The following ANKRD62 variants were observed in gnomAD, a reference collection of about 807,000 sequenced individuals.
The protein encoded by ANKRD62 is ankyrin repeat domain-containing protein 62.
In ANKRD62, 61 loss-of-function variants were observed where a neutral mutation model predicts 98.8. The observed-to-expected ratio is 0.62, with a 90% CI of 0.50 to 0.76. The LOEUF is 0.76. Among genes scored for constraint, ANKRD62 ranks in the 30% least tolerant of loss-of-function variants. The pLI, the probability that ANKRD62 is intolerant of heterozygous loss-of-function variation, is 0.00. For missense variants in ANKRD62, 933 were observed against 1,082.9 expected, an observed-to-expected ratio of 0.86 and a Z score of 1.94; for synonymous variants, 341 against 367.9, an observed-to-expected ratio of 0.93 and a Z score of 0.84.
At chr18:12,129,850 A>T (rs1367143264), downstream of ANKRD62, 3 of 152,536 alleles carry the variant, frequency 2.0e-5, no homozygotes, top group Non-Finnish European at 4.4e-5. Context: ...TTTTATATAT[A>T]ACCATATTTT....
At chr18:12,109,791 G>T (rs79906366) in intron 8 of ANKRD62, among the ~76,000 whole-genome samples, 1 of 152,122 alleles carries the variant, frequency 6.6e-6, no homozygotes, top group Admixed American at 6.6e-5. Context: ...AACAATTTTA[G>T]GCTTTATGGA....
At chr18:12,095,352 C>A in intron 2 of ANKRD62, 67 bp downstream of exon 2, 1 of 1,529,570 alleles carries the variant, frequency 6.5e-7, no homozygotes, top group South Asian at 1.2e-5. Context: ...AAAATTAATT[C>A]ACCTCATTGA....
intron 8 of ANKRD62, 99 bp downstream of exon 8, chr18:12,107,566 T>G: frequency 1.0e-6 from 1 of 974,930 alleles, no homozygotes; most frequent in Non-Finnish European, 1.4e-6. Context: ...ATTTTATACT[T>G]TTATGAGGAA....
Position 12,099,640 on chromosome 18 carries a change from A to G in ANKRD62, c.778A>G (p.Lys260Glu). 1 of 1,497,824 alleles carries G rather than the reference A, an allele frequency of 6.7e-7. No individual in the cohort carries two copies. Among genetic ancestry groups the G allele is most frequent in the Non-Finnish European group, 8.9e-7 (1 of 1,125,868 alleles). The allele number at this position is 1,497,824 out of a possible 1,614,324, so 92.8% of individuals were successfully genotyped here. A position where few individuals can be genotyped will look rare whatever the true frequency, so the allele number is the denominator to read the frequency against. Residue 260 changes from lysine to glutamate, a missense_variant, in exon 6 of 14, where the codon AAA (lysine) becomes GAA (glutamate). Lys to Glu is a moderately conservative substitution (Grantham distance 56). This residue lies in a region of ANKRD62 where 549 missense variants were observed against 587.9 expected (regional missense o/e 0.93). Coordinates refer to ENST00000587848, the MANE Select transcript of ANKRD62 (RefSeq NM_001277333.2). ...QAIRGMISEY[K>E]ANKRCKSLQN... Reference sequence around the variant, plus strand: ...CATTCGTGGAATGATTTCTGAATATAAAGCAAACAAGAGATGTAAAAGTCT... The same window carrying G: ...CATTCGTGGAATGATTTCTGAATATGAAGCAAACAAGAGATGTAAAAGTCT...
intron 10 of ANKRD62, among the ~76,000 whole-genome samples, chr18:12,116,369 G>A (rs1568063322): frequency 6.6e-6 from 1 of 152,182 alleles, no homozygotes; most frequent in Non-Finnish European, 1.5e-5. Context: ...CCATTCTTAT[G>A]GGTGTGGTTA....
the ANKRD62 span, among the ~76,000 whole-genome samples, chr18:12,178,202 T>G: frequency 6.6e-6 from 1 of 151,132 alleles, no homozygotes; most frequent in East Asian, 1.9e-4. Context: ...ACAAACCCAA[T>G]TACCTGGAGA....
At chr18:12,122,261 A>C (rs985852775) in intron 10 of ANKRD62, 42 bp from the exon 11 acceptor site, 3 of 1,417,308 alleles carry the variant, frequency 2.1e-6, no homozygotes, top group Non-Finnish European at 2.9e-6. Context: ...TTAAAAACCT[A>C]CTCATGTATT....
At chr18:12,163,658 T>G in the ANKRD62 span, among the ~76,000 whole-genome samples, 1 of 151,938 alleles carries the variant, frequency 6.6e-6, no homozygotes, top group Admixed American at 6.6e-5. Context: ...TTATACATGG[T>G]TTTTATTATG....
chr18:12,131,392 A>G (rs554192721), downstream of ANKRD62, among the ~76,000 whole-genome samples: 1 of 152,376 alleles, frequency 6.6e-6, no homozygotes, highest in South Asian at 2.1e-4. Flanking sequence ...CACATTAAAT[A>G]CTTTTTCTTA....
intron 5 of ANKRD62, 101 bp downstream of exon 5, chr18:12,097,878 A>G (rs2143894108): frequency 2.2e-6 from 3 of 1,390,974 alleles, no homozygotes; most frequent in East Asian, 5.0e-5. Flanking sequence ...TGGTTCAGGT[A>G]GTTTTGGAGT....
chr18:12,095,597 A>G lies in ANKRD62; in HGVS notation c.494A>G (p.Glu165Gly). 6.6e-7 allele frequency: 1 copy of G among 1,519,682 alleles called. No individual in the cohort carries two copies. 94.1% of individuals were successfully genotyped at this position (1,519,682 alleles called of 1,614,324 possible). A position where few individuals can be genotyped will look rare whatever the true frequency, so the allele number is the denominator to read the frequency against. Reference sequence around the variant, plus strand: ...CTGCTTGCATATGGTGCAGATATTGAAGCAAGAAGCCAGGTATGATCAACC... The same window carrying G: ...CTGCTTGCATATGGTGCAGATATTGGAGCAAGAAGCCAGGTATGATCAACC... Reference protein sequence around the residue: ...RKLLAYGADIEARSQDGHTSL... With the variant: ...RKLLAYGADIGARSQDGHTSL... The change falls in exon 3 of 14, where the codon GAA (glutamate) becomes GGA (glycine). Residue 165 changes from glutamate (E) to glycine (G), a missense_variant. Physicochemically the swap from Glu to Gly is moderately conservative, Grantham distance 98. Transcript: ENST00000587848.
the ANKRD62 span, among the ~76,000 whole-genome samples, chr18:12,139,918 C>G: frequency 1.3e-5 from 2 of 152,180 alleles, no homozygotes; most frequent in African/African-American, 4.8e-5. Flanking sequence ...GGGAAGTTCT[C>G]CGGGATAATA....
intron 8 of ANKRD62, among the ~76,000 whole-genome samples, chr18:12,108,233 A>G (rs924163776): frequency 6.6e-6 from 1 of 152,200 alleles, no homozygotes; most frequent in Non-Finnish European, 1.5e-5. Flanking sequence ...TAAAGACACT[A>G]CCTGACACTG....
rs1181748586 is a variant in ANKRD62, at chr18:12,097,699, A to G, written c.674A>G (p.Gln225Arg). Residue 225 changes from glutamine to arginine, a missense_variant, in exon 5 of 14, where the codon CAG becomes CGG. By Grantham distance (43) the Gln-to-Arg change is conservative (BLOSUM62 1). Around this residue, in one of 3 missense-constraint regions of ANKRD62, gnomAD observed 549 missense variants for 587.9 expected, o/e 0.93. Transcript: ENST00000587848. ...GSTSVVYQLL[Q>R]HNIDVFCQDI... ...ACAAGTGTAGTCTACCAGCTTCTTC[A>G]GCACAATATTGATGTCTTTTGCCAA... 5 of 1,535,992 alleles carry G rather than the reference A, an allele frequency of 3.3e-6. No homozygotes were observed. The highest frequency in any genetic ancestry group is 4.9e-5 in the East Asian group (2 of 40,926).
the ANKRD62 span, among the ~76,000 whole-genome samples, chr18:12,169,288 T>C: frequency 6.6e-6 from 1 of 152,346 alleles, no homozygotes; most frequent in Admixed American, 6.5e-5. Context: ...TAGCTCTTAT[T>C]ATTTTGAGAT....
the ANKRD62 span, among the ~76,000 whole-genome samples, chr18:12,160,892 G>A: frequency 2.0e-5 from 3 of 152,110 alleles, no homozygotes; most frequent in Non-Finnish European, 4.4e-5. Context: ...ATAGGAAGAT[G>A]TGCTCAAGAA....
chr18:12,145,353 T>C, the ANKRD62 span, among the ~76,000 whole-genome samples: 1 of 152,224 alleles, frequency 6.6e-6, no homozygotes, highest in Non-Finnish European at 1.5e-5. Context: ...ACAACAAAGA[T>C]GTCAGCCCAT....
the ANKRD62 span, among the ~76,000 whole-genome samples, chr18:12,156,483 C>T: frequency 0.011 from 1,734 of 152,112 alleles, 15 homozygotes; most frequent in African/African-American, 0.019. Flanking sequence ...ATTAGATCCA[C>T]TACTGAGTCA....
intron 4 of ANKRD62, among the ~76,000 whole-genome samples, chr18:12,096,582 A>AGTTTTAC (rs1386429639): frequency 2.6e-5 from 4 of 152,202 alleles, no homozygotes; most frequent in African/African-American, 9.6e-5. Context: ...GGGATGTCAT[A>AGTTTTAC]TTGGTTTTAC....
Sources: allele counts gnomAD v4.1 joint callset (sites outside exome capture counted in the v4.1 genomes callset), GRCh38; gene constraint gnomAD v4.1.1; regional missense constraint gnomAD v4.1.1; transcripts MANE v1.5; gene names NCBI Gene and HGNC (gene_info 2026-07-23, HGNC 2026-07-21).